Variants in PDE1C observed in about 807,000 individuals in gnomAD.
The protein encoded by PDE1C is dual specificity calcium/calmodulin-dependent 3',5'-cyclic nucleotide phosphodiesterase 1C.
Under a neutral mutation model 93.1 loss-of-function variants are expected in PDE1C, and 62 were observed. The ratio of observed to expected loss-of-function variants is 0.67; its 90% CI spans 0.54 to 0.82. The LOEUF (loss-of-function observed/expected upper bound fraction) is 0.82. Ranked by LOEUF, PDE1C falls within the 40% of genes least tolerant of loss-of-function variation. The probability of loss-of-function intolerance (pLI) is 0.00; values close to 1 mark genes in which losing one functional copy is unlikely to be tolerated. For missense variants in PDE1C, 742 were observed against 884.6 expected (o/e 0.84, Z 2.04); for synonymous variants, 325 against 310.1 (o/e 1.05, Z -0.50).
chr7:32,237,884 C>A (rs951963188), intron 1 of PDE1C, among the ~76,000 whole-genome samples: 222 of 150,862 alleles, frequency 1.5e-3, no homozygotes, highest in African/African-American at 5.1e-3. Flanking sequence ...AATTCTCCTG[C>A]CTCAGCCTCC....
intron 3 of PDE1C, among the ~76,000 whole-genome samples, chr7:32,104,165 A>G (rs933536689): frequency 1.3e-5 from 2 of 152,210 alleles, no homozygotes; most frequent in East Asian, 1.9e-4. Flanking sequence ...ATAAATTCCC[A>G]TATTAAAAGG....
chr7:31,961,876 T>C (rs964248344), intron 2 of PDE1C, among the ~76,000 whole-genome samples: 6 of 152,130 alleles, frequency 3.9e-5, no homozygotes, highest in Admixed American at 2.0e-4. Context: ...AGTTAATGGA[T>C]TGAACAGAGG....
At chr7:31,692,048 T>C in the PDE1C span, among the ~76,000 whole-genome samples, 1 of 152,144 alleles carries the variant, frequency 6.6e-6, no homozygotes. Context: ...AGAAAAAACA[T>C]AGGCAAGGTT....
chr7:32,145,287 G>A (rs1215606856), intron 3 of PDE1C, among the ~76,000 whole-genome samples: 1 of 152,198 alleles, frequency 6.6e-6, no homozygotes, highest in Non-Finnish European at 1.5e-5. Context: ...ACTGCTCACA[G>A]AGGTATTGCG....
At chr7:31,998,411 C>T (rs1049234291) in intron 2 of PDE1C, among the ~76,000 whole-genome samples, 1 of 152,126 alleles carries the variant, frequency 6.6e-6, no homozygotes, top group Admixed American at 6.5e-5. Context: ...CAATCTTTTA[C>T]CATATGTATG....
intron 7 of PDE1C, among the ~76,000 whole-genome samples, chr7:31,857,941 C>T (rs1247607356): frequency 6.6e-6 from 1 of 152,062 alleles, no homozygotes; most frequent in East Asian, 1.9e-4. Flanking sequence ...AAAAATATTG[C>T]TAACTAAAAA....
chr7:31,895,397 A>G (rs1562988736), intron 2 of PDE1C, among the ~76,000 whole-genome samples: 1 of 152,164 alleles, frequency 6.6e-6, no homozygotes, highest in Non-Finnish European at 1.5e-5. Context: ...AGATATCACC[A>G]TGGAGTCAAG....
intron 1 of PDE1C, among the ~76,000 whole-genome samples, chr7:32,400,554 C>T (rs1403769546): frequency 5.3e-5 from 8 of 152,222 alleles, no homozygotes; most frequent in Non-Finnish European, 1.0e-4. Flanking sequence ...AGTTTAATTT[C>T]GTTTAACCAT....
the PDE1C span, chr7:31,707,777 G>C: frequency 0.028 from 4,408 of 156,504 alleles, 100 homozygotes; most frequent in Middle Eastern, 0.044. Flanking sequence ...TATTTCTCCT[G>C]TCCTATCTTA....
At chr7:32,151,449 C>T (rs1028581510) in intron 3 of PDE1C, among the ~76,000 whole-genome samples, 8 of 152,088 alleles carry the variant, frequency 5.3e-5, no homozygotes, top group African/African-American at 1.9e-4. Context: ...ATTTGAAATT[C>T]GAAATGGTGG....
intron 6 of PDE1C, among the ~76,000 whole-genome samples, chr7:31,865,665 A>T (rs1795204584): frequency 6.6e-6 from 1 of 152,336 alleles, no homozygotes; most frequent in African/African-American, 2.4e-5. Context: ...AGTAACAAAC[A>T]TAAGAACATA....
At chr7:32,371,381 T>C (rs1784330270) in intron 1 of PDE1C, among the ~76,000 whole-genome samples, 1 of 152,174 alleles carries the variant, frequency 6.6e-6, no homozygotes. Flanking sequence ...TAATCACAAC[T>C]TGTTTGAGTT....
rs143497081 is a variant in PDE1C, at chr7:32,394,117, G to A, written c.310+33705C>T. Reference sequence around the variant, plus strand: ...AAATAGGCACACATAAAGCTTCCGAGTTATCTGCCTCTACATAGAGACCCC... The same window carrying A: ...AAATAGGCACACATAAAGCTTCCGAATTATCTGCCTCTACATAGAGACCCC... On this transcript the variant is annotated intron_variant, in intron 1 of 1. Coordinates refer to the PDE1C transcript ENST00000672256. Among the ~76,000 whole-genome samples, 72 of 152,314 alleles carry A rather than the reference G, an allele frequency of 4.7e-4. 1 individual carries two copies. The East Asian group carries it at 0.013, about 29-fold the overall frequency.
intron 1 of PDE1C, among the ~76,000 whole-genome samples, chr7:32,222,540 C>T (rs1477810300): frequency 1.3e-5 from 2 of 152,212 alleles, no homozygotes; most frequent in African/African-American, 4.8e-5. Flanking sequence ...CAGTTAAGGA[C>T]TTGATGTTAG....
intron 2 of PDE1C, among the ~76,000 whole-genome samples, chr7:32,192,611 G>A (rs908363389): frequency 4.6e-5 from 7 of 152,106 alleles, no homozygotes; most frequent in African/African-American, 1.4e-4. Context: ...CCTTGAAATC[G>A]AGTAGATAGA....
the PDE1C span, among the ~76,000 whole-genome samples, chr7:31,659,746 A>C: frequency 2.6e-5 from 4 of 152,174 alleles, no homozygotes; most frequent in African/African-American, 9.7e-5. Context: ...TATTGCAGGA[A>C]AATTTTGTGT....
intron 3 of PDE1C, among the ~76,000 whole-genome samples, chr7:32,154,448 A>T (rs1291713729): frequency 6.6e-6 from 1 of 152,176 alleles, no homozygotes; most frequent in East Asian, 1.9e-4. Context: ...AATATTTTAC[A>T]AGACTCTAGT....
intron 7 of PDE1C, among the ~76,000 whole-genome samples, chr7:31,857,112 C>A (rs1318956985): frequency 6.6e-6 from 1 of 152,060 alleles, no homozygotes; most frequent in Non-Finnish European, 1.5e-5. Context: ...AAATACAGTC[C>A]CATTCTGAGG....
chr7:32,322,932 A>G (rs986030612), intron 1 of PDE1C, among the ~76,000 whole-genome samples: 45 of 152,208 alleles, frequency 3.0e-4, no homozygotes, highest in African/African-American at 1.0e-3. Flanking sequence ...ATTTTTTTAC[A>G]AAAAGACAGA....
Sources: allele counts gnomAD v4.1 joint callset (sites outside exome capture counted in the v4.1 genomes callset), GRCh38; gene constraint gnomAD v4.1.1; transcripts MANE v1.5; gene names NCBI Gene and HGNC (gene_info 2026-07-23, HGNC 2026-07-21).